The following TMEM26 variants were observed in gnomAD, a reference collection of about 807,000 sequenced individuals.
TMEM26 encodes transmembrane protein 26.
TMEM26 carries 38 observed loss-of-function variants against 28.8 expected under a neutral mutation model. The observed-to-expected ratio is 1.32, with a 90% CI of 1.02 to 1.73. The LOEUF (loss-of-function observed/expected upper bound fraction) is 1.73. Ranked by LOEUF, TMEM26 falls within the 40% of genes most tolerant of loss-of-function variation. TMEM26 has a pLI of 0.00. For synonymous variants in TMEM26, 227 were observed against 182.9 expected (o/e 1.24, Z -1.95); for missense variants, 518 against 447.1 (o/e 1.16, Z -1.43).
intron 1 of TMEM26, among the ~76,000 whole-genome samples, chr10:61,440,514 CAAAAAAAAAAA>C (rs60111640): frequency 2.0e-5 from 2 of 99,058 alleles, no homozygotes; most frequent in Admixed American, 2.2e-4. Context: ...TTCCAGTTCT[CAAAAAAAAAAA>C]AAAAAAAAAG....
In TMEM26 at chr10:61,410,411, G is replaced by T. The variant is rs371731698; in HGVS notation, c.1018C>A (p.Arg340=). The T allele has an allele frequency of 2.2e-5, 35 of 1,613,932 alleles. 1 individual carries two copies. In the African/African-American group the frequency reaches 2.9e-4, roughly 14 times the overall value. ...AQTSESGPSQ[R]DWQNESKEGL... is the part of the protein sequence containing the mutation. Reference sequence around the variant, plus strand: ...TCCTTAGACTCGTTCTGCCAGTCCCGCTGAGAGGGCCCACTCTCAGAGGTC... The same window carrying T: ...TCCTTAGACTCGTTCTGCCAGTCCCTCTGAGAGGGCCCACTCTCAGAGGTC... Residue 340 remains arginine (R), a synonymous_variant, in exon 6 of 6, where the codon CGG becomes AGG. Coordinates refer to ENST00000399298, the MANE Select transcript of TMEM26 (RefSeq NM_178505.8).
chr10:61,432,129 T>G (rs1449946429), intron 2 of TMEM26, among the ~76,000 whole-genome samples: 3 of 152,048 alleles, frequency 2.0e-5, no homozygotes, highest in African/African-American at 7.2e-5. Context: ...GTGTATATAG[T>G]ATTTTAAGAG....
intron 1 of TMEM26, among the ~76,000 whole-genome samples, chr10:61,448,201 C>G (rs1840217617): frequency 1.3e-5 from 2 of 152,388 alleles, no homozygotes; most frequent in South Asian, 2.1e-4. Context: ...TCACACACCT[C>G]TCTCCGGATG....
chr10:61,424,087 C>A (rs1839792751), intron 4 of TMEM26, among the ~76,000 whole-genome samples: 1 of 151,968 alleles, frequency 6.6e-6, no homozygotes, highest in Non-Finnish European at 1.5e-5. Flanking sequence ...GAAGTTCTTG[C>A]CAGTGCAATA....
In TMEM26 at chr10:61,452,872, T is replaced by C. The variant is rs1048114413; in HGVS notation, c.191+19A>G. 18 of 1,604,072 alleles carry C rather than the reference T, an allele frequency of 1.1e-5. No homozygotes were observed. Among genetic ancestry groups the C allele is most frequent in the Non-Finnish European group, 1.5e-5 (18 of 1,171,682 alleles). On this transcript the variant is annotated intron_variant, in intron 1 of 5. Coordinates refer to ENST00000399298, the MANE Select transcript of TMEM26 (RefSeq NM_178505.8). ...ACCCTAGGGCCCCGTGCGCCCTCGCTTTCCCGGGGCACTCTCACCATTTGT... is the reference window on the plus strand; with the variant it reads ...ACCCTAGGGCCCCGTGCGCCCTCGCCTTCCCGGGGCACTCTCACCATTTGT...
chr10:61,442,176 C>T (rs1383797565), intron 1 of TMEM26, among the ~76,000 whole-genome samples: 13 of 152,160 alleles, frequency 8.5e-5, no homozygotes, highest in African/African-American at 3.1e-4. Flanking sequence ...GTTTACCATA[C>T]AAAGTTGTCA....
rs78193916 is a variant in TMEM26 at position 61,414,975 on chromosome 10, A to AG, written c.606-1441dup. ...GATTCCTGTGTAAATGGCTCCCCACAGGGGGACTCTCCAATGGGTTGTTGA... is the reference window on the plus strand; with the variant it reads ...GATTCCTGTGTAAATGGCTCCCCACAGGGGGGACTCTCCAATGGGTTGTTGA... On this transcript the variant is annotated intron_variant, in intron 4 of 5. Coordinates refer to ENST00000399298, the MANE Select transcript of TMEM26 (RefSeq NM_178505.8). 1.7e-3 allele frequency: 1,669 copies of AG among 985,234 alleles called. 45 individuals are homozygous for AG. In the East Asian group the frequency reaches 0.066, roughly 39 times the overall value. 61.0% of individuals were successfully genotyped at this position (985,234 alleles called of 1,614,324 possible).
At chr10:61,415,570 G>C (rs767782244) in intron 4 of TMEM26, among the ~76,000 whole-genome samples, 1 of 152,012 alleles carries the variant, frequency 6.6e-6, no homozygotes, top group African/African-American at 2.4e-5. Flanking sequence ...TTTTATCAAG[G>C]AGGTAAAAGA....
intron 4 of TMEM26, among the ~76,000 whole-genome samples, chr10:61,424,704 T>A (rs1365675337): frequency 6.6e-6 from 1 of 152,210 alleles, no homozygotes; most frequent in African/African-American, 2.4e-5. Context: ...GACAGTGTGG[T>A]ATTGGTATAA....
At position 61,453,185 on chromosome 10, in the gene TMEM26, C is replaced by T. The variant is rs1840323188; in HGVS notation, c.-104G>A. On this transcript the variant is annotated 5_prime_UTR_variant, in exon 1 of 6. Coordinates refer to ENST00000399298, the MANE Select transcript of TMEM26 (RefSeq NM_178505.8). ...AGCAGGAATATGACAAGCACTGAGA[C>T]CTGCTGCTGCTTGTGGTCCCTTCTC... 4 of 1,208,800 alleles carry T rather than the reference C, an allele frequency of 3.3e-6. No individual in the cohort carries two copies. Among genetic ancestry groups the T allele is most frequent in the Admixed American group, 2.2e-5 (1 of 45,998 alleles). 74.9% of individuals were successfully genotyped at this position (1,208,800 alleles called of 1,614,324 possible).
rs745530212 is a variant in TMEM26, at chr10:61,410,657, C to T, written c.772G>A (p.Gly258Arg). 5.6e-6 allele frequency: 9 copies of T among 1,614,048 alleles called. No homozygotes were observed. The highest frequency in any genetic ancestry group is 2.2e-5 in the East Asian group (1 of 44,862). The change falls in exon 6 of 6, where the codon GGA becomes AGA. Residue 258 changes from glycine to arginine, a missense_variant. Gly to Arg is a moderately radical substitution (Grantham distance 125, BLOSUM62 -2). Coordinates refer to ENST00000399298, the MANE Select transcript of TMEM26 (RefSeq NM_178505.8). ...CCATCTTGTATGAAGACGCTGATTC[C>T]GATGTTCCACAGATCGGCACTGTAC... The part of the protein sequence containing the change: ...CQYSADLWNI[G>R]ISVFIQDGPF...
At chr10:61,429,961 TC>T (rs1839894250) in intron 3 of TMEM26, among the ~76,000 whole-genome samples, 1 of 152,180 alleles carries the variant, frequency 6.6e-6, no homozygotes, top group East Asian at 1.9e-4. Flanking sequence ...TTTACCCCTC[TC>T]CATCACTTGC....
At chr10:61,443,366 G>A (rs1406066549) in intron 1 of TMEM26, among the ~76,000 whole-genome samples, 1 of 151,924 alleles carries the variant, frequency 6.6e-6, no homozygotes, top group African/African-American at 2.4e-5. Context: ...TCGGGAGGCT[G>A]AGGCAGGAGA....
Position 61,410,648 on chromosome 10 carries a change from C to G in TMEM26, c.781G>C (p.Val261Leu). Residue 261 changes from valine to leucine, a missense_variant, in exon 6 of 6, where the codon GTC (valine) becomes CTC (leucine). Physicochemically the swap from Val to Leu is conservative, Grantham distance 32. Coordinates refer to ENST00000399298, the MANE Select transcript of TMEM26 (RefSeq NM_178505.8). ...AGGAAGGGGCCATCTTGTATGAAGA[C>G]GCTGATTCCGATGTTCCACAGATCG... ...SADLWNIGIS[V>L]FIQDGPFLVV... 1.2e-6 allele frequency: 2 copies of G among 1,614,110 alleles called. No individual in the cohort carries two copies. Among genetic ancestry groups the G allele is most frequent in the South Asian group, 2.2e-5 (2 of 91,070 alleles).
chr10:61,415,367 G>C (rs969013603), intron 4 of TMEM26, among the ~76,000 whole-genome samples: 1 of 152,112 alleles, frequency 6.6e-6, no homozygotes. Flanking sequence ...AATGCAGACT[G>C]TAGCTTTTCC....
chr10:61,446,159 T>C (rs1466003739), intron 1 of TMEM26, among the ~76,000 whole-genome samples: 4 of 152,240 alleles, frequency 2.6e-5, no homozygotes, highest in East Asian at 1.9e-4. Context: ...TGAAGTCTTA[T>C]GTGAGGCAAA....
chr10:61,428,179 T>G (rs957740681), intron 4 of TMEM26, among the ~76,000 whole-genome samples: 6 of 152,130 alleles, frequency 3.9e-5, no homozygotes, highest in Admixed American at 1.3e-4. Flanking sequence ...CATTCCAATT[T>G]ATTTTTATGG....
In TMEM26 at chr10:61,442,311, T is replaced by C. The variant is rs185855963; in HGVS notation, c.192-6063A>G. Among the ~76,000 whole-genome samples, 676 of 152,226 alleles carry C rather than the reference T, an allele frequency of 4.4e-3. 5 individuals are homozygous for C. The highest frequency in any genetic ancestry group is 0.012 in the Admixed American group (185 of 15,290). On this transcript the variant is annotated intron_variant, in intron 1 of 5. Coordinates refer to ENST00000399298, the MANE Select transcript of TMEM26 (RefSeq NM_178505.8). ...AGAATTAGGATTCCATTTTTCTCTTTCTAAAAATGACAATTATTAATGTTT... is the reference window on the plus strand; with the variant it reads ...AGAATTAGGATTCCATTTTTCTCTTCCTAAAAATGACAATTATTAATGTTT...
intron 4 of TMEM26, chr10:61,415,083 T>G: frequency 1.0e-6 from 1 of 985,282 alleles, no homozygotes; most frequent in Non-Finnish European, 1.2e-6. Context: ...CATGCACATA[T>G]GGCATAGAAC....
Sources: gnomAD v4.1 joint callset for allele counts (sites outside exome capture counted in the v4.1 genomes callset) on GRCh38, gnomAD v4.1.1 for gene constraint, MANE v1.5 for transcripts, NCBI Gene and HGNC (gene_info 2026-07-23, HGNC 2026-07-21) for gene names.